The following CRYBG3 variants were observed in gnomAD, a reference collection of about 807,000 sequenced individuals.
CRYBG3 encodes the protein very large A-kinase anchor protein.
In CRYBG3, 127 loss-of-function variants were observed where a neutral mutation model predicts 244.2. The observed-to-expected ratio is 0.52, with a 90% CI of 0.45 to 0.60. The LOEUF (loss-of-function observed/expected upper bound fraction) is 0.60. Among genes scored for constraint, CRYBG3 ranks in the 20% least tolerant of loss-of-function variants. The pLI, the probability that CRYBG3 is intolerant of heterozygous loss-of-function variation, is 0.00. For synonymous variants in CRYBG3, 1,132 were observed against 1,195.8 expected (o/e 0.95, Z 1.10); for missense variants, 3,325 against 3,442.5 (o/e 0.97, Z 0.85).
rs151045101 is a variant in CRYBG3 at position 97,884,234 on chromosome 3, A to C, written c.7153-2397A>C. Among the ~76,000 whole-genome samples the C allele has an allele frequency of 1.4e-4, 21 of 152,302 alleles. 1 individual carries two copies. Among genetic ancestry groups the C allele is most frequent in the Middle Eastern group, 3.4e-3 (1 of 294 alleles). On this transcript the variant is annotated intron_variant, in intron 7 of 21. Coordinates refer to ENST00000389622, the MANE Select transcript of CRYBG3 (RefSeq NM_153605.4). ...GATTCCAGTTAAGGGTTGTCTTTGT[A>C]CCCAGGGAAAATAATTGGGGGTGAA... is the stretch of plus-strand genomic sequence containing the variant.
chr3:97,852,761 C>G (rs973111692), intron 2 of CRYBG3, among the ~76,000 whole-genome samples: 1 of 152,100 alleles, frequency 6.6e-6, no homozygotes, highest in Admixed American at 6.5e-5. Flanking sequence ...ATACTGTTTT[C>G]CATAATGATT....
Position 97,944,614 on chromosome 3 carries a change from G to A in CRYBG3, c.*1300G>A, listed in dbSNP as rs1441562572. The A allele has an allele frequency of 6.6e-6, 1 of 151,906 alleles. No individual in the cohort carries two copies. Among genetic ancestry groups the A allele is most frequent in the Non-Finnish European group, 1.5e-5 (1 of 67,812 alleles). 9.4% of individuals were successfully genotyped at this position (151,906 alleles called of 1,614,324 possible). Reference sequence around the variant, plus strand: ...GGGTTTTTTTCCTCCTTCAATCTCAGGCTTTTCTCCATCTTTTAAGCAGCC... The same window carrying A: ...GGGTTTTTTTCCTCCTTCAATCTCAAGCTTTTCTCCATCTTTTAAGCAGCC... On this transcript the variant is annotated 3_prime_UTR_variant, in exon 22 of 22. Coordinates refer to ENST00000389622, the MANE Select transcript of CRYBG3 (RefSeq NM_153605.4).
rs1357983774 is a variant in CRYBG3 at position 97,875,140 on chromosome 3, G to T, written c.3946G>T (p.Ala1316Ser). 6.5e-7 allele frequency: 1 copy of T among 1,535,110 alleles called. No homozygotes were observed. Among genetic ancestry groups the T allele is most frequent in the Admixed American group, 2.0e-5 (1 of 50,944 alleles). ...ATTAGTCAATGAGATTATTTATGTA[G>T]CCCAAGAAAAATTGAGAAATGATAC... ...RELVNEIIYVAQEKLRNDTFE... is the reference protein window; with the variant it reads ...RELVNEIIYVSQEKLRNDTFE... Residue 1316 changes from alanine (A) to serine (S), a missense_variant, in exon 4 of 22, where the codon GCC becomes TCC. Ala to Ser is a moderately conservative substitution (Grantham distance 99). Around this residue, in one of 4 missense-constraint regions of CRYBG3, gnomAD observed 635 missense variants for 771.7 expected, o/e 0.82. Transcript: ENST00000389622.
chr3:97,875,127 G>C lies in CRYBG3; in HGVS notation c.3933G>C (p.Glu1311Asp). The C allele has an allele frequency of 2.0e-6, 3 of 1,534,996 alleles. No homozygotes were observed. Among genetic ancestry groups the C allele is most frequent in the East Asian group, 2.4e-5 (1 of 40,906 alleles). ...LEDKARELVN[E>D]IIYVAQEKLR... ...ATAAAGCTAGGGAATTAGTCAATGAGATTATTTATGTAGCCCAAGAAAAAT... is the reference window on the plus strand; with the variant it reads ...ATAAAGCTAGGGAATTAGTCAATGACATTATTTATGTAGCCCAAGAAAAAT... Residue 1311 changes from glutamate to aspartate, a missense_variant, in exon 4 of 22, where the codon GAG becomes GAC. By Grantham distance (45) the Glu-to-Asp change is conservative. Transcript: ENST00000389622.
intron 1 of CRYBG3, among the ~76,000 whole-genome samples, chr3:97,835,794 C>T (rs753131459): frequency 6.6e-6 from 1 of 152,058 alleles, no homozygotes; most frequent in Non-Finnish European, 1.5e-5. Context: ...GCGCTGTCTT[C>T]AGGACAATTT....
chr3:97,896,980 A>ATT (rs200384318), intron 12 of CRYBG3, among the ~76,000 whole-genome samples: 1 of 148,916 alleles, frequency 6.7e-6, no homozygotes, highest in African/African-American at 2.5e-5. Context: ...AGTTATTTTT[A>ATT]TTTTTTTTTT....
At chr3:97,832,671 T>TGAC (rs2038671016) in intron 1 of CRYBG3, among the ~76,000 whole-genome samples, 1 of 152,130 alleles carries the variant, frequency 6.6e-6, no homozygotes, top group African/African-American at 2.4e-5. Context: ...AAAGACTTCC[T>TGAC]GACTAAAACA....
At chr3:97,827,044 C>A (rs1011036302) in intron 1 of CRYBG3, among the ~76,000 whole-genome samples, 7 of 152,228 alleles carry the variant, frequency 4.6e-5, no homozygotes, top group African/African-American at 1.7e-4. Context: ...AGTAACTGCA[C>A]CATCAAGGTG....
At chr3:97,848,137 T>C (rs1234211331) in intron 2 of CRYBG3, among the ~76,000 whole-genome samples, 1 of 152,226 alleles carries the variant, frequency 6.6e-6, no homozygotes, top group Non-Finnish European at 1.5e-5. Flanking sequence ...TGATTTTATG[T>C]AGCTCCTCTT....
intron 1 of CRYBG3, among the ~76,000 whole-genome samples, chr3:97,825,031 T>C (rs983083529): frequency 1.3e-5 from 2 of 152,074 alleles, no homozygotes; most frequent in Admixed American, 6.5e-5. Flanking sequence ...AGAGAGAGAA[T>C]AGGGAACAGG....
rs771839972 is a variant in CRYBG3 at position 97,943,364 on chromosome 3, A to ACAT, written c.*52_*54dup. On this transcript the variant is annotated 3_prime_UTR_variant, in exon 22 of 22. Coordinates refer to ENST00000389622, the MANE Select transcript of CRYBG3 (RefSeq NM_153605.4). ...CCCTAGAAAGAGCAAAGAAGGAAAC[A>ACAT]CATCTGTCATTGTCTTGTGGACGTG... 4.4e-5 allele frequency: 46 copies of ACAT among 1,048,812 alleles called. No homozygotes were observed. Among genetic ancestry groups the ACAT allele is most frequent in the Middle Eastern group, 4.0e-4 (2 of 4,960 alleles). 65.0% of individuals were successfully genotyped at this position (1,048,812 alleles called of 1,614,324 possible).
Position 97,933,739 on chromosome 3 carries a change from G to A in CRYBG3, c.8287G>A (p.Glu2763Lys). 1.2e-6 allele frequency: 2 copies of A among 1,613,000 alleles called. No homozygotes were observed. Among genetic ancestry groups the A allele is most frequent in the South Asian group, 1.1e-5 (1 of 91,028 alleles). Residue 2763 changes from glutamate (E) to lysine (K), a missense_variant, in exon 18 of 22, where the codon GAG (glutamate) becomes AAG (lysine). By Grantham distance (56) the Glu-to-Lys change is moderately conservative. Transcript: ENST00000389622. The stretch of plus-strand genomic sequence containing the variant: ...CAGCCTTTTTGCTCTGGAGCATTGT[G>A]AGGGAAGAGAGTTACATCTAGAAGA... The part of the protein sequence containing the change: ...SISLFALEHC[E>K]GRELHLEEAV...
chr3:97,859,955 C>T (rs563032503), intron 2 of CRYBG3, among the ~76,000 whole-genome samples: 1 of 152,190 alleles, frequency 6.6e-6, no homozygotes, highest in Admixed American at 6.5e-5. Flanking sequence ...CTCTTTATAC[C>T]ATAGTCACTC....
intron 1 of CRYBG3, among the ~76,000 whole-genome samples, chr3:97,835,448 C>T (rs950957227): frequency 2.0e-5 from 3 of 152,032 alleles, no homozygotes; most frequent in African/African-American, 2.4e-5. Context: ...ACTTTCTGGG[C>T]AGAAGGAACA....
chr3:97,890,957 A>G (rs916277335), intron 10 of CRYBG3, among the ~76,000 whole-genome samples: 5 of 152,178 alleles, frequency 3.3e-5, no homozygotes, highest in South Asian at 2.1e-4. Context: ...GACAATATGT[A>G]TTGCATCCCC....
intron 1 of CRYBG3, among the ~76,000 whole-genome samples, chr3:97,833,749 CAG>C: frequency 6.6e-6 from 1 of 152,118 alleles, no homozygotes; most frequent in Middle Eastern, 3.4e-3. Flanking sequence ...GATTACAAAA[CAG>C]AGGTTTTTCG....
At chr3:97,939,074 A>G (rs2040197212) in intron 19 of CRYBG3, among the ~76,000 whole-genome samples, 1 of 151,984 alleles carries the variant, frequency 6.6e-6, no homozygotes, top group Admixed American at 6.6e-5. Flanking sequence ...CAACAATGAA[A>G]ATATGTTCCT....
chr3:97,923,795 TC>T (rs979129675), intron 17 of CRYBG3, among the ~76,000 whole-genome samples: 2 of 152,016 alleles, frequency 1.3e-5, no homozygotes, highest in Admixed American at 6.6e-5. Flanking sequence ...TTATAAAAAC[TC>T]TTGAAGGAAG....
At chr3:97,931,690 C>CAT (rs1243720396) in intron 17 of CRYBG3, among the ~76,000 whole-genome samples, 28 of 152,034 alleles carry the variant, frequency 1.8e-4, no homozygotes, top group African/African-American at 6.8e-4. Context: ...CCGATTATAC[C>CAT]AGCATGTCCC....
Sources: allele counts gnomAD v4.1 joint callset (sites outside exome capture counted in the v4.1 genomes callset), GRCh38; gene constraint gnomAD v4.1.1; regional missense constraint gnomAD v4.1.1; transcripts MANE v1.5; gene names NCBI Gene and HGNC (gene_info 2026-07-23, HGNC 2026-07-21).